CAPS2: variants seen among roughly 807,000 people sequenced by gnomAD.
CAPS2 encodes the protein calcyphosine 2.
Under a neutral mutation model 86.5 loss-of-function variants are expected in CAPS2, and 98 were observed. The observed-to-expected ratio is 1.13, with a 90% CI of 0.96 to 1.34. CAPS2 has a LOEUF of 1.34. CAPS2 is among the 40% of genes most tolerant of loss of function. CAPS2 has a pLI of 0.00. For missense variants in CAPS2, 729 were observed against 686.8 expected (o/e 1.06, Z -0.69); for synonymous variants, 210 against 225.1 (o/e 0.93, Z 0.60).
At chr12:75,282,699 T>A (rs1354917827) in intron 15 of CAPS2, among the ~76,000 whole-genome samples, 1 of 152,198 alleles carries the variant, frequency 6.6e-6, no homozygotes, top group African/African-American at 2.4e-5. Context: ...GCAAATGTTA[T>A]TTTTTAAGTA....
upstream of CAPS2, among the ~76,000 whole-genome samples, chr12:75,332,114 G>A (rs908989309): frequency 2.0e-5 from 3 of 152,110 alleles, no homozygotes; most frequent in Non-Finnish European, 2.9e-5. Context: ...TCTTAGAAGA[G>A]CAATAATCTT....
Position 75,306,041 on chromosome 12 carries a change from C to T in CAPS2, c.660-1165G>A, listed in dbSNP as rs546290763. 106 of 1,470,860 alleles carry T rather than the reference C, an allele frequency of 7.2e-5. No individual in the cohort carries two copies. In the African/African-American group the frequency reaches 1.1e-3, roughly 15 times the overall value. The allele number at this position is 1,470,860 out of a possible 1,614,324, so 91.1% of individuals were successfully genotyped here. On this transcript the variant is annotated intron_variant, in intron 7 of 16. Transcript: ENST00000393284. ...CCTCATTCTACTTGAAGGGCCGCGGCGCCAGAGACAGCGCCGTCTAGAACG... is the reference window on the plus strand; with the variant it reads ...CCTCATTCTACTTGAAGGGCCGCGGTGCCAGAGACAGCGCCGTCTAGAACG...
chr12:75,328,460 A>G (rs1276111625), upstream of CAPS2, among the ~76,000 whole-genome samples: 2 of 152,220 alleles, frequency 1.3e-5, no homozygotes, highest in Admixed American at 1.3e-4. Context: ...CAGTCAGGAC[A>G]GTCTTCACTC....
chr12:75,360,907 T>A (rs1197162206), intron 1 of CAPS2: 2 of 152,166 alleles, frequency 1.3e-5, no homozygotes, highest in African/African-American at 4.8e-5. Flanking sequence ...AATCTTCAAT[T>A]CTTGACTTCT....
chr12:75,361,070 A>G (rs1426260221), intron 1 of CAPS2: 1 of 152,164 alleles, frequency 6.6e-6, no homozygotes, highest in East Asian at 1.9e-4. Context: ...AACTCTCAAC[A>G]AAGAGAAATG....
intron 1 of CAPS2, among the ~76,000 whole-genome samples, chr12:75,385,954 AT>A (rs2045268573): frequency 6.6e-6 from 1 of 152,222 alleles, no homozygotes; most frequent in South Asian, 2.1e-4. Context: ...AAAGAACTGA[AT>A]AAATGAAGAA....
chr12:75,382,512 T>C (rs1217703933), intron 1 of CAPS2, among the ~76,000 whole-genome samples: 1 of 151,950 alleles, frequency 6.6e-6, no homozygotes, highest in Non-Finnish European at 1.5e-5. Context: ...TGGTGGTGCA[T>C]GCCTGTAGTC....
exon 14 of CAPS2, chr12:75,289,737 T>A: frequency 6.2e-7 from 1 of 1,612,876 alleles, no homozygotes; most frequent in Non-Finnish European, 8.5e-7. Flanking sequence ...CCAGTCAAAA[T>A]ACGAACACCT....
At chr12:75,330,788 C>CTT (rs112092989), upstream of CAPS2, among the ~76,000 whole-genome samples, 7 of 141,100 alleles carry the variant, frequency 5.0e-5, no homozygotes, top group African/African-American at 1.0e-4. Context: ...TATTCTTTGC[C>CTT]TTTTTTTTTT....
intron 8 of CAPS2, among the ~76,000 whole-genome samples, chr12:75,303,033 G>C (rs2038006294): frequency 6.6e-6 from 1 of 152,136 alleles, no homozygotes; most frequent in African/African-American, 2.4e-5. Context: ...TATATACTCA[G>C]CAGAAATGAG....
chr12:75,366,824 C>A (rs867733773), intron 1 of CAPS2: 2 of 698,310 alleles, frequency 2.9e-6, no homozygotes, highest in African/African-American at 1.8e-5. Context: ...GCTAAAAATG[C>A]CAAGTGAACA....
intron 1 of CAPS2, among the ~76,000 whole-genome samples, chr12:75,358,690 C>A (rs2043317224): frequency 6.9e-6 from 1 of 145,420 alleles, no homozygotes; most frequent in Non-Finnish European, 1.5e-5. Context: ...ATTTGTGTTT[C>A]TTTTTGTTTT....
upstream of CAPS2, among the ~76,000 whole-genome samples, chr12:75,329,156 G>A (rs1459998390): frequency 6.6e-6 from 1 of 152,184 alleles, no homozygotes; most frequent in Non-Finnish European, 1.5e-5. Context: ...CACTGGTAAA[G>A]GTAATAGAAG....
chr12:75,384,082 T>C (rs2045149770), intron 1 of CAPS2, among the ~76,000 whole-genome samples: 1 of 151,606 alleles, frequency 6.6e-6, no homozygotes, highest in South Asian at 2.1e-4. Context: ...AGATCTAAAA[T>C]CGCATATGCT....
At chr12:75,278,687 C>T (rs1052887161) in exon 17 of CAPS2, 9 of 1,264,928 alleles carry the variant, frequency 7.1e-6, no homozygotes, top group Non-Finnish European at 8.9e-6. Context: ...CAAACACTAA[C>T]ACACCCCTAC....
chr12:75,277,319 T>C, exon 17 of CAPS2: 1 of 971,126 alleles, frequency 1.0e-6, no homozygotes, highest in Non-Finnish European at 1.2e-6. Flanking sequence ...TAAATAAAAA[T>C]TATCAATGAA....
intron 1 of CAPS2, among the ~76,000 whole-genome samples, chr12:75,354,953 T>C: frequency 6.6e-6 from 1 of 152,134 alleles, no homozygotes; most frequent in East Asian, 1.9e-4. Flanking sequence ...CTGCACAACT[T>C]CCTTACACCT....
chr12:75,340,642 G>A (rs1039239986), intron 1 of CAPS2, among the ~76,000 whole-genome samples: 3 of 150,940 alleles, frequency 2.0e-5, no homozygotes, highest in Non-Finnish European at 3.0e-5. Context: ...GAAGATGAGA[G>A]GACAAACTAC....
chr12:75,368,462 C>G (rs754161516), intron 1 of CAPS2, among the ~76,000 whole-genome samples: 13 of 151,678 alleles, frequency 8.6e-5, no homozygotes, highest in Admixed American at 1.3e-4. Context: ...CACAGCTACA[C>G]TGTAAAATTT....
Sources: allele counts gnomAD v4.1 joint callset (sites outside exome capture counted in the v4.1 genomes callset), GRCh38; gene constraint gnomAD v4.1.1; transcripts MANE v1.5; gene names NCBI Gene and HGNC (gene_info 2026-07-23, HGNC 2026-07-21).